Variants in CNTN3 observed in about 807,000 individuals in gnomAD.
CNTN3 encodes contactin 3, also known as contactin-3.
In CNTN3, 60 loss-of-function variants were observed where a neutral mutation model predicts 119.1. The observed-to-expected ratio is 0.50, with a 90% CI of 0.41 to 0.62. CNTN3 has a LOEUF of 0.62. CNTN3 is among the 20% of genes least tolerant of loss of function. The probability of loss-of-function intolerance (pLI) is 0.00; values close to 1 mark genes in which losing one functional copy is unlikely to be tolerated. For synonymous variants in CNTN3, 450 were observed against 438.7 expected (o/e 1.03, Z -0.32); for missense variants, 1,101 against 1,242.4 (o/e 0.89, Z 1.71).
Position 74,286,916 on chromosome 3 carries a change from C to T in CNTN3, c.2518-1425G>A, listed in dbSNP as rs560989245. Among the ~76,000 whole-genome samples, 8 of 152,244 alleles carry T rather than the reference C, an allele frequency of 5.3e-5. No homozygotes were observed. The South Asian group carries it at 1.0e-3, about 20-fold the overall frequency. ...CAGGAATTAACTGCATTTCCTCACC[C>T]AGCAGACAGCAGGAGGGAAAGGATG... On this transcript the variant is annotated intron_variant, in intron 19 of 22. Coordinates refer to ENST00000263665, the MANE Select transcript of CNTN3 (RefSeq NM_020872.3).
chr3:74,434,415 G>C (rs1026911675), intron 4 of CNTN3, among the ~76,000 whole-genome samples: 1 of 152,112 alleles, frequency 6.6e-6, no homozygotes, highest in African/African-American at 2.4e-5. Context: ...TTTCAAACAT[G>C]CACAGTTCAC....
At chr3:74,384,839 C>T (rs1051057436) in intron 5 of CNTN3, among the ~76,000 whole-genome samples, 1 of 152,174 alleles carries the variant, frequency 6.6e-6, no homozygotes, top group Non-Finnish European at 1.5e-5. Flanking sequence ...CTGGGAATTA[C>T]TGAACTGCTC....
At chr3:74,458,193 C>T (rs1047225124) in intron 4 of CNTN3, among the ~76,000 whole-genome samples, 1 of 151,940 alleles carries the variant, frequency 6.6e-6, no homozygotes, top group African/African-American at 2.4e-5. Context: ...CAGCTCTCTG[C>T]TGAAGAAATA....
At chr3:74,473,719 TAC>T in intron 4 of CNTN3, among the ~76,000 whole-genome samples, 1 of 152,060 alleles carries the variant, frequency 6.6e-6, no homozygotes, top group Middle Eastern at 3.4e-3. Flanking sequence ...GTGGTGAAAA[TAC>T]AGAGGGTAGA....
At chr3:74,316,685 G>A (rs1289046346) in intron 13 of CNTN3, among the ~76,000 whole-genome samples, 4 of 152,000 alleles carry the variant, frequency 2.6e-5, no homozygotes, top group Non-Finnish European at 5.9e-5. Flanking sequence ...GTGCACTTTG[G>A]GAGGCCGAGG....
At chr3:74,414,313 G>A (rs1301156888) in intron 5 of CNTN3, among the ~76,000 whole-genome samples, 1 of 152,190 alleles carries the variant, frequency 6.6e-6, no homozygotes, top group East Asian at 1.9e-4. Flanking sequence ...AAAGTTCCAT[G>A]TAAGCCACAA....
chr3:74,533,407 C>T (rs4677411), intron 1 of CNTN3, among the ~76,000 whole-genome samples: 150,580 of 152,082 alleles, frequency 0.99, 74,556 homozygotes, highest in Middle Eastern at 1. Flanking sequence ...AGGATCACTT[C>T]ACTCCCCAAG....
chr3:74,432,094 G>A (rs1701793164), intron 4 of CNTN3, among the ~76,000 whole-genome samples: 1 of 152,128 alleles, frequency 6.6e-6, no homozygotes, highest in South Asian at 2.1e-4. Context: ...TTAGTGATTG[G>A]TAGTTATCAA....
chr3:74,316,320 A>T (rs918162639), intron 13 of CNTN3, among the ~76,000 whole-genome samples: 1 of 152,210 alleles, frequency 6.6e-6, no homozygotes, highest in Non-Finnish European at 1.5e-5. Flanking sequence ...GGCTTTTGTT[A>T]AAAAGTAAAA....
At chr3:74,347,018 C>A (rs1703707450) in intron 11 of CNTN3, among the ~76,000 whole-genome samples, 1 of 152,074 alleles carries the variant, frequency 6.6e-6, no homozygotes, top group African/African-American at 2.4e-5. Flanking sequence ...TGCACTTCAA[C>A]AAATATTTGT....
At chr3:74,589,587 C>T (rs1704662815) in intron 1 of CNTN3, among the ~76,000 whole-genome samples, 2 of 142,560 alleles carry the variant, frequency 1.4e-5, no homozygotes. Context: ...TACCATTTGA[C>T]CCAGCCATCC....
intron 1 of CNTN3, among the ~76,000 whole-genome samples, chr3:74,531,413 G>A (rs1234271914): frequency 1.1e-4 from 16 of 151,926 alleles, no homozygotes; most frequent in Non-Finnish European, 2.4e-4. Context: ...TAGACAGGAA[G>A]TACAACCAAC....
rs1428378007 is a variant in CNTN3 at position 74,397,881 on chromosome 3, T to C, written c.455-26482A>G. On this transcript the variant is annotated intron_variant, in intron 5 of 22. Coordinates refer to ENST00000263665, the MANE Select transcript of CNTN3 (RefSeq NM_020872.3). ...TATGACTTTGAGTTCAAGACTTCAA[T>C]GGAGGAAGTAACTGAGATGTGGTGG... is the stretch of plus-strand genomic sequence containing the variant. 3.9e-5 allele frequency among the ~76,000 whole-genome samples: 6 copies of C among 152,124 alleles called. No individual in the cohort carries two copies. In the South Asian group the frequency reaches 8.3e-4, roughly 21 times the overall value.
intron 19 of CNTN3, among the ~76,000 whole-genome samples, chr3:74,286,891 C>T (rs925738987): frequency 1.3e-5 from 2 of 152,146 alleles, no homozygotes; most frequent in Middle Eastern, 3.2e-3. Flanking sequence ...GCACCTGGGA[C>T]AGGAATTAAC....
At chr3:74,306,477 T>C (rs1436634884) in intron 13 of CNTN3, among the ~76,000 whole-genome samples, 1 of 152,126 alleles carries the variant, frequency 6.6e-6, no homozygotes, top group African/African-American at 2.4e-5. Context: ...TGCATTATTT[T>C]CCTAAACTTC....
At chr3:74,576,101 C>G (rs1704411575) in intron 1 of CNTN3, among the ~76,000 whole-genome samples, 1 of 152,214 alleles carries the variant, frequency 6.6e-6, no homozygotes, top group East Asian at 1.9e-4. Context: ...ATGTGAAGAC[C>G]CCTTCTCCCG....
At chr3:74,315,713 G>T (rs538029678) in intron 13 of CNTN3, among the ~76,000 whole-genome samples, 98 of 152,262 alleles carry the variant, frequency 6.4e-4, no homozygotes, top group Middle Eastern at 3.4e-3. Flanking sequence ...AATCTCAAGT[G>T]AAATTGAAAA....
chr3:74,326,269 T>C (rs887413473), intron 13 of CNTN3, among the ~76,000 whole-genome samples: 1 of 152,160 alleles, frequency 6.6e-6, no homozygotes, highest in African/African-American at 2.4e-5. Context: ...TTTTGTCCTG[T>C]TATATTTTCT....
chr3:74,431,730 C>G (rs2106910796), intron 4 of CNTN3, among the ~76,000 whole-genome samples: 1 of 152,244 alleles, frequency 6.6e-6, no homozygotes, highest in African/African-American at 2.4e-5. Flanking sequence ...CATTTTCCCT[C>G]TAAAAGAACT....
Sources: allele counts gnomAD v4.1 joint callset (sites outside exome capture counted in the v4.1 genomes callset), GRCh38; gene constraint gnomAD v4.1.1; transcripts MANE v1.5; gene names NCBI Gene and HGNC (gene_info 2026-07-23, HGNC 2026-07-21).